Variants in TTC27 observed in about 807,000 individuals in gnomAD.
TTC27 encodes tetratricopeptide repeat domain 27.
Under a neutral mutation model 115.9 loss-of-function variants are expected in TTC27, and 79 were observed. The ratio of observed to expected loss-of-function variants is 0.68; its 90% CI spans 0.57 to 0.82. The LOEUF is 0.82. TTC27 is among the 40% of genes least tolerant of loss of function. TTC27 has a pLI of 0.00. For synonymous variants in TTC27, 401 were observed against 356.0 expected (o/e 1.13, Z -1.42); for missense variants, 1,054 against 993.1 (o/e 1.06, Z -0.82).
intron 4 of TTC27, among the ~76,000 whole-genome samples, chr2:32,642,621 G>T (rs572022313): frequency 9.9e-5 from 15 of 152,028 alleles, no homozygotes; most frequent in Non-Finnish European, 8.8e-5. Flanking sequence ...ATGAGAGCCA[G>T]AGGATTTGGA....
At chr2:32,704,949 A>T (rs1259558860) in intron 10 of TTC27, 1 of 470,634 alleles carries the variant, frequency 2.1e-6, no homozygotes, top group Non-Finnish European at 4.4e-6. Context: ...CCCCAAGTAA[A>T]GTTACTCTAC....
intron 8 of TTC27, among the ~76,000 whole-genome samples, chr2:32,676,493 GT>G (rs5830238): frequency 2.4e-4 from 32 of 133,882 alleles, no homozygotes; most frequent in African/African-American, 6.7e-4. Flanking sequence ...TTTTCATTCT[GT>G]TTTTTTTTTT....
rs577154724 is a variant in TTC27 at position 32,710,372 on chromosome 2, A to G, written c.1233+7452A>G. ...CTAGGTCAGCATTCATTTTTCTTTT[A>G]TAGCAGCAAATTAAACTAAAAAAGT... On this transcript the variant is annotated intron_variant, in intron 10 of 19. Coordinates refer to ENST00000317907, the MANE Select transcript of TTC27 (RefSeq NM_017735.5). Among the ~76,000 whole-genome samples the G allele has an allele frequency of 7.4e-4, 112 of 152,018 alleles. 1 individual carries two copies. Among genetic ancestry groups the G allele is most frequent in the Non-Finnish European group, 1.3e-3 (86 of 67,982 alleles).
rs1168987401 is a variant in TTC27, at chr2:32,798,704, C to CA, written c.1998+11566dup. ...TGGGCAACAGAGCGAGACTCCAGCTCAAAAAAAAAAATAATAATAATAATA... is the reference window on the plus strand; with the variant it reads ...TGGGCAACAGAGCGAGACTCCAGCTCAAAAAAAAAAAATAATAATAATAATA... On this transcript the variant is annotated intron_variant, in intron 16 of 19. Coordinates refer to ENST00000317907, the MANE Select transcript of TTC27 (RefSeq NM_017735.5). 1.3e-3 allele frequency among the ~76,000 whole-genome samples: 159 copies of CA among 121,156 alleles called. 1 individual carries two copies. The highest frequency in any genetic ancestry group is 3.9e-3 in the Middle Eastern group (1 of 258). The allele number at this position is 121,156 out of a possible 152,430, so 79.5% of individuals were successfully genotyped here.
chr2:32,753,483 G>A (rs1262407640), intron 12 of TTC27, among the ~76,000 whole-genome samples: 2 of 120,236 alleles, frequency 1.7e-5, no homozygotes, highest in Non-Finnish European at 3.2e-5. Context: ...TGTCACCCAG[G>A]CTGGAGTGCA....
rs115189480 is a variant in TTC27 at position 32,773,141 on chromosome 2, C to A, written c.1681-4741C>A. Among the ~76,000 whole-genome samples the A allele has an allele frequency of 9.1e-3, 1,387 of 152,294 alleles. 12 individuals carry two copies. Among genetic ancestry groups the A allele is most frequent in the Middle Eastern group, 0.024 (7 of 294 alleles). ...TATCACATTCAAAATAAACAGTTGG[C>A]CTGCTTTTGTGTTTCTCTATTGGCT... On this transcript the variant is annotated intron_variant, in intron 13 of 19. Transcript: ENST00000317907.
chr2:32,767,602 C>T (rs1291381245), intron 13 of TTC27, among the ~76,000 whole-genome samples: 1 of 151,458 alleles, frequency 6.6e-6, no homozygotes, highest in Non-Finnish European at 1.5e-5. Context: ...GCTGGGACTA[C>T]AGGCGCCCGC....
chr2:32,811,899 A>T (rs956257937), intron 17 of TTC27, among the ~76,000 whole-genome samples: 4 of 151,734 alleles, frequency 2.6e-5, no homozygotes, highest in African/African-American at 9.7e-5. Flanking sequence ...AATCTGTGGG[A>T]TTCTTAGCCA....
At position 32,702,873 on chromosome 2, in the gene TTC27, G is replaced by C; in HGVS notation, c.1186G>C (p.Glu396Gln). The part of the protein sequence containing the change: ...TSALILRTKL[E>Q]KGSTRRVERA... The stretch of plus-strand genomic sequence containing the variant: ...AGCCTTGATCCTCCGGACAAAACTT[G>C]AGAAAGGAAGTACTCGCCGAGTGGA... The change falls in exon 10 of 20, where the codon GAG (glutamate) becomes CAG (glutamine). Residue 396 changes from glutamate (E) to glutamine (Q), a missense_variant. Glu to Gln is a conservative substitution (Grantham distance 29). Transcript: ENST00000317907. The C allele has an allele frequency of 4.3e-6, 7 of 1,614,094 alleles. No homozygotes were observed. The highest frequency in any genetic ancestry group is 5.9e-6 in the Non-Finnish European group (7 of 1,180,002).
chr2:32,820,749 T>C, intron 19 of TTC27, 67 bp from the exon 20 acceptor site: 1 of 1,423,618 alleles, frequency 7.0e-7, no homozygotes, highest in Non-Finnish European at 9.4e-7. Flanking sequence ...CTCTATACTC[T>C]GTATCTATTT....
intron 12 of TTC27, among the ~76,000 whole-genome samples, chr2:32,740,221 G>A (rs143855289): frequency 2.8e-4 from 43 of 152,322 alleles, no homozygotes; most frequent in Non-Finnish European, 5.6e-4. Context: ...GACAAAGACT[G>A]AGGGTGAGGG....
intron 13 of TTC27, among the ~76,000 whole-genome samples, chr2:32,770,045 G>C (rs1669776359): frequency 6.6e-6 from 1 of 152,152 alleles, no homozygotes; most frequent in Non-Finnish European, 1.5e-5. Context: ...GGAATGGTTG[G>C]GATTTGGATA....
At chr2:32,698,541 G>A (rs1257876527) in intron 9 of TTC27, among the ~76,000 whole-genome samples, 5 of 148,674 alleles carry the variant, frequency 3.4e-5, no homozygotes, top group African/African-American at 1.2e-4. Flanking sequence ...GTGCAGTGGC[G>A]CGATCTCAGC....
chr2:32,677,062 T>G (rs1027293552), intron 8 of TTC27, among the ~76,000 whole-genome samples: 2 of 152,132 alleles, frequency 1.3e-5, no homozygotes, highest in African/African-American at 4.8e-5. Flanking sequence ...AAAAAAAATT[T>G]TAATTTCATG....
At chr2:32,701,423 A>G (rs1266692139) in intron 9 of TTC27, among the ~76,000 whole-genome samples, 1 of 152,244 alleles carries the variant, frequency 6.6e-6, no homozygotes, top group Non-Finnish European at 1.5e-5. Flanking sequence ...TTATAAAATA[A>G]TATAAAGGTG....
chr2:32,672,138 C>T lies in TTC27; in HGVS notation c.940-134C>T, dbSNP rs1666035340. The T allele has an allele frequency of 1.2e-5, 7 of 588,672 alleles. 1 individual carries two copies. The highest frequency in any genetic ancestry group is 8.9e-6 in the Non-Finnish European group (3 of 337,066). 36.5% of individuals were successfully genotyped at this position (588,672 alleles called of 1,614,324 possible). On this transcript the variant is annotated intron_variant, in intron 7 of 19. Transcript: ENST00000317907. ...AAATTGTTTCCAAATATGTGTTTCA[C>T]AAGAAATAGCCTATTGACCATATGT...
At chr2:32,787,254 A>G in intron 16 of TTC27, 105 bp downstream of exon 16, 1 of 1,257,824 alleles carries the variant, frequency 8.0e-7, no homozygotes, top group Non-Finnish European at 1.1e-6. Context: ...TTTGTTAAAC[A>G]CATGTAACAT....
chr2:32,707,164 G>T (rs1246916289), intron 10 of TTC27, among the ~76,000 whole-genome samples: 1 of 152,160 alleles, frequency 6.6e-6, no homozygotes, highest in Non-Finnish European at 1.5e-5. Context: ...TCTATTTTCT[G>T]CTGTGATAAC....
chr2:32,673,318 G>C (rs902515218), intron 8 of TTC27, among the ~76,000 whole-genome samples: 2 of 150,770 alleles, frequency 1.3e-5, no homozygotes, highest in African/African-American at 2.4e-5. Context: ...TCCGCCCCAC[G>C]GGCTCAAGCG....
Sources: allele counts gnomAD v4.1 joint callset (sites outside exome capture counted in the v4.1 genomes callset), GRCh38; gene constraint gnomAD v4.1.1; transcripts MANE v1.5; gene names NCBI Gene and HGNC (gene_info 2026-07-23, HGNC 2026-07-21).